LOXL4: variants seen among roughly 807,000 people sequenced by gnomAD.
LOXL4 encodes lysyl oxidase like 4, also known as lysyl oxidase homolog 4.
Under a neutral mutation model 89.1 loss-of-function variants are expected in LOXL4, and 72 were observed. That is an observed-to-expected ratio of 0.81 (90% CI 0.67 to 0.98). The LOEUF (loss-of-function observed/expected upper bound fraction) is 0.98, where lower values mean the gene tolerates loss of function less well. Ranked by LOEUF, LOXL4 falls within the 50% of genes least tolerant of loss-of-function variation. The pLI is 0.00. For synonymous variants in LOXL4, 355 were observed against 392.1 expected, an observed-to-expected ratio of 0.91 and a Z score of 1.12; for missense variants, 984 against 1,017.5, an observed-to-expected ratio of 0.97 and a Z score of 0.45.
chr10:98,256,813 C>CT lies in LOXL4; in HGVS notation c.1394dup (p.Leu466AlafsTer130), dbSNP rs767807339. Reference sequence around the variant, plus strand: ...CATGGATGGCAAAACCCAGGCCGAGCTGTCGGCAGGCCACCATGGCTTCGG... The same window carrying CT: ...CATGGATGGCAAAACCCAGGCCGAGCTTGTCGGCAGGCCACCATGGCTTCGG... On this transcript the variant is annotated frameshift_variant, in exon 9 of 15. Coordinates refer to ENST00000260702, the MANE Select transcript of LOXL4 (RefSeq NM_032211.7). LOFTEE classifies it high-confidence loss of function. The CT allele has an allele frequency of 1.2e-6, 2 of 1,614,136 alleles. No homozygotes were observed. Among genetic ancestry groups the CT allele is most frequent in the South Asian group, 2.2e-5 (2 of 91,088 alleles).
chr10:98,256,846 CCA>C lies in LOXL4; in HGVS notation c.1360_1361del (p.Trp454GlyfsTer141). ...AGGCCACCATGGCTTCGGTGAGCCCCCAGTTTTCACTGCACACGCTCCCCCAG... is the reference window on the plus strand; with the variant it reads ...AGGCCACCATGGCTTCGGTGAGCCCCGTTTTCACTGCACACGCTCCCCCAG... ...PRWGSVCSEN[W>X]GLTEAMVACR... On this transcript the variant is annotated frameshift_variant, in exon 9 of 15. Coordinates refer to ENST00000260702, the MANE Select transcript of LOXL4 (RefSeq NM_032211.7). LOFTEE classifies it high-confidence loss of function. 1 of 1,614,196 alleles carries C rather than the reference CCA, an allele frequency of 6.2e-7. No homozygotes were observed.
In LOXL4 at chr10:98,263,149, A is replaced by C. The variant is rs1386811866; in HGVS notation, c.-32-98T>G. On this transcript the variant is annotated intron_variant, in intron 1 of 14. Transcript: ENST00000260702. ...CTCCTGGCAAGACAAAGGAAAGAAAACCCCCCTCAAATGTGTGTGTGTGTG... is the reference window on the plus strand; with the variant it reads ...CTCCTGGCAAGACAAAGGAAAGAAACCCCCCCTCAAATGTGTGTGTGTGTG... 16 of 906,078 alleles carry C rather than the reference A, an allele frequency of 1.8e-5. No individual in the cohort carries two copies. The African/African-American group carries it at 2.2e-4, about 13-fold the overall frequency. 56.1% of individuals were successfully genotyped at this position (906,078 alleles called of 1,614,324 possible).
In LOXL4 at chr10:98,251,055, TCG is replaced by T; in HGVS notation, c.2200+8_2200+9del. 3.1e-6 allele frequency: 5 copies of T among 1,604,514 alleles called. No homozygotes were observed. The highest frequency in any genetic ancestry group is 4.3e-6 in the Non-Finnish European group (5 of 1,171,672). On this transcript the variant is annotated splice_region_variant and intron_variant, in intron 14 of 14. Transcript: ENST00000260702. ...TATAGATGGCTGATTCCACAGTGGC[TCG>T]GAGTTACCTGTGTGGCAGTTGTGCA...
chr10:98,262,700 T>TA, intron 2 of LOXL4, 43 bp downstream of exon 2: 2 of 1,589,454 alleles, frequency 1.3e-6, no homozygotes, highest in Non-Finnish European at 1.7e-6. Flanking sequence ...AGAAGACTGT[T>TA]ACCATCTCCT....
Position 98,263,039 on chromosome 10 carries a change from G to A in LOXL4, c.-20C>T. 1 of 1,609,458 alleles carries A rather than the reference G, an allele frequency of 6.2e-7. No individual in the cohort carries two copies. Among genetic ancestry groups the A allele is most frequent in the Non-Finnish European group, 8.5e-7 (1 of 1,176,784 alleles). ...CGCCATGGTGACTTCAAGGACAGCTGAGGCCAAGATACCTGAGGAATGAGT... is the reference window on the plus strand; with the variant it reads ...CGCCATGGTGACTTCAAGGACAGCTAAGGCCAAGATACCTGAGGAATGAGT... On this transcript the variant is annotated 5_prime_UTR_variant, in exon 2 of 15. Transcript: ENST00000260702.
chr10:98,247,937 G>A lies in LOXL4; in HGVS notation c.*984C>T, dbSNP rs41307056. The A allele has an allele frequency of 0.026, 3,990 of 152,282 alleles. 55 individuals carry two copies. Among genetic ancestry groups the A allele is most frequent in the Middle Eastern group, 0.041 (12 of 294 alleles). 9.4% of individuals were successfully genotyped at this position (152,282 alleles called of 1,614,324 possible). A position where few individuals can be genotyped will look rare whatever the true frequency, so the allele number is the denominator to read the frequency against. On this transcript the variant is annotated 3_prime_UTR_variant, in exon 15 of 15. Coordinates refer to ENST00000260702, the MANE Select transcript of LOXL4 (RefSeq NM_032211.7). ...ATTTCTCCACGGTCTTCTGTCTCTTGCTCTGCCAAACTTGTTTTCTTATCT... is the reference window on the plus strand; with the variant it reads ...ATTTCTCCACGGTCTTCTGTCTCTTACTCTGCCAAACTTGTTTTCTTATCT...
intron 11 of LOXL4, 43 bp downstream of exon 11, chr10:98,253,510 T>G (rs1858263669): frequency 1.9e-6 from 3 of 1,612,298 alleles, no homozygotes; most frequent in Non-Finnish European, 2.5e-6. Flanking sequence ...ACCCTGCTTT[T>G]TGTTCCTAAC....
In LOXL4 at chr10:98,251,099, A is replaced by C. The variant is rs1325311583; in HGVS notation, c.2166T>G (p.Asp722Glu). 1 of 1,614,034 alleles carries C rather than the reference A, an allele frequency of 6.2e-7. No individual in the cohort carries two copies. The highest frequency in any genetic ancestry group is 2.2e-5 in the East Asian group (1 of 44,892). ...AGTTGTGCAGCCAGACCCGGTGCCC[A>C]TCATACTTGCAGCGGCACTGCAGCA... The part of the protein sequence containing the change: ...NNMLQCRCKY[D>E]GHRVWLHNCH... Residue 722 changes from aspartate (D) to glutamate (E), a missense_variant, in exon 14 of 15, where the codon GAT becomes GAG. Transcript: ENST00000260702.
chr10:98,267,673 C>T (rs1008677669), intron 1 of LOXL4, among the ~76,000 whole-genome samples: 1 of 152,132 alleles, frequency 6.6e-6, no homozygotes, highest in African/African-American at 2.4e-5. Flanking sequence ...CTTCTGCCCC[C>T]TTCCCTTCGG....
At position 98,251,709 on chromosome 10, in the gene LOXL4, G is replaced by C; in HGVS notation, c.1952-7C>G. 6.2e-7 allele frequency: 1 copy of C among 1,614,006 alleles called. No homozygotes were observed. Among genetic ancestry groups the C allele is most frequent in the Non-Finnish European group, 8.5e-7 (1 of 1,179,996 alleles). On this transcript the variant is annotated splice_polypyrimidine_tract_variant and splice_region_variant and intron_variant, in intron 12 of 14. Coordinates refer to ENST00000260702, the MANE Select transcript of LOXL4 (RefSeq NM_032211.7). The stretch of plus-strand genomic sequence containing the variant: ...GCGTAGCGCCGCTGCAGTCCTGTAA[G>C]GAAGGGGACAGACAGGTTTTGAGGC...
chr10:98,265,415 A>ATTT (rs1370227762), intron 1 of LOXL4, among the ~76,000 whole-genome samples: 2 of 60,634 alleles, frequency 3.3e-5, no homozygotes, highest in Non-Finnish European at 7.9e-5. Context: ...TATTATTATT[A>ATTT]TTTTTGAGAC....
intron 10 of LOXL4, among the ~76,000 whole-genome samples, chr10:98,254,537 C>T (rs923079611): frequency 6.6e-6 from 1 of 152,042 alleles, no homozygotes; most frequent in Non-Finnish European, 1.5e-5. Flanking sequence ...TGAAAGAAGG[C>T]GAGCTTTCAG....
In LOXL4 at chr10:98,255,600, A is replaced by G; in HGVS notation, c.1568T>C (p.Leu523Pro). 1.9e-6 allele frequency: 3 copies of G among 1,610,412 alleles called. No homozygotes were observed. Among genetic ancestry groups the G allele is most frequent in the Non-Finnish European group, 1.7e-6 (2 of 1,177,102 alleles). Reference protein sequence around the residue: ...VHCSHGGGRFLAGVSCMDSAP... With the variant: ...VHCSHGGGRFPAGVSCMDSAP... ...ACTGTCCATGCAGGAGACTCCAGCC[A>G]GGAAGCGCCCGCCACCGTGGGAGCA... The change falls in exon 10 of 15, where the codon CTG becomes CCG. Residue 523 changes from leucine to proline, a missense_variant. Coordinates refer to ENST00000260702, the MANE Select transcript of LOXL4 (RefSeq NM_032211.7).
intron 1 of LOXL4, 74 bp from the exon 2 acceptor site, chr10:98,263,125 T>C (rs1858595974): frequency 7.8e-7 from 1 of 1,278,292 alleles, no homozygotes; most frequent in Non-Finnish European, 1.1e-6. Flanking sequence ...ATTTGGCAGC[T>C]CCTGGCAAGA....
intron 11 of LOXL4, among the ~76,000 whole-genome samples, chr10:98,252,674 C>T (rs1858231792): frequency 6.6e-6 from 1 of 152,178 alleles, no homozygotes. Flanking sequence ...GTACAGCTGC[C>T]CCCACCACCT....
chr10:98,248,725 G>T lies in LOXL4; in HGVS notation c.*196C>A, dbSNP rs1313514232. On this transcript the variant is annotated 3_prime_UTR_variant, in exon 15 of 15. Transcript: ENST00000260702. ...TTCCATAGGCCACAGGCCCTTAGGG[G>T]CAGGCCCAGAGCCATCCTGAGGGAG... is the stretch of plus-strand genomic sequence containing the variant. 3.5e-6 allele frequency: 2 copies of T among 577,536 alleles called. No homozygotes were observed. Among genetic ancestry groups the T allele is most frequent in the East Asian group, 6.0e-5 (2 of 33,542 alleles). The allele number at this position is 577,536 out of a possible 1,614,324, so 35.8% of individuals were successfully genotyped here. A position where few individuals can be genotyped will look rare whatever the true frequency, so the allele number is the denominator to read the frequency against.
intron 10 of LOXL4, 115 bp downstream of exon 10, chr10:98,255,462 G>T: frequency 8.4e-7 from 1 of 1,184,678 alleles, no homozygotes; most frequent in Non-Finnish European, 1.2e-6. Flanking sequence ...GGCAGAGCTG[G>T]TACTTTCATT....
Position 98,262,221 on chromosome 10 carries a change from G to C in LOXL4, c.278-8C>G, listed in dbSNP as rs757518925. 4 of 1,612,746 alleles carry C rather than the reference G, an allele frequency of 2.5e-6. No individual in the cohort carries two copies. The highest frequency in any genetic ancestry group is 2.2e-5 in the South Asian group (2 of 90,926). ...TGTCCAGCCAGATGGGTCCTGTGGA[G>C]TGGAGGTGATGCTCAAAGATGGCAC... On this transcript the variant is annotated splice_polypyrimidine_tract_variant and splice_region_variant and intron_variant, in intron 2 of 14. Coordinates refer to ENST00000260702, the MANE Select transcript of LOXL4 (RefSeq NM_032211.7).
chr10:98,253,029 C>T (rs1590876293), intron 11 of LOXL4, among the ~76,000 whole-genome samples: 1 of 152,252 alleles, frequency 6.6e-6, no homozygotes, highest in South Asian at 2.1e-4. Flanking sequence ...CAGGCATTGT[C>T]TCTCCCTCTC....
Sources: allele counts gnomAD v4.1 joint callset (sites outside exome capture counted in the v4.1 genomes callset), GRCh38; gene constraint gnomAD v4.1.1; transcripts MANE v1.5; gene names NCBI Gene and HGNC (gene_info 2026-07-23, HGNC 2026-07-21).